TMEM135: variants seen among roughly 807,000 people sequenced by gnomAD.
The protein encoded by TMEM135 is peroxisomal membrane protein 52.
Under a neutral mutation model 60.3 loss-of-function variants are expected in TMEM135, and 30 were observed. The ratio of observed to expected loss-of-function variants is 0.50; its 90% CI spans 0.37 to 0.68. The LOEUF (loss-of-function observed/expected upper bound fraction) is 0.68, where lower values mean the gene tolerates loss of function less well. Among genes scored for constraint, TMEM135 ranks in the 30% least tolerant of loss-of-function variants. The pLI is 0.00. For missense variants in TMEM135, 468 were observed against 548.8 expected, an observed-to-expected ratio of 0.85 and a Z score of 1.47; for synonymous variants, 190 against 186.7, an observed-to-expected ratio of 1.02 and a Z score of -0.14.
intron 5 of TMEM135, among the ~76,000 whole-genome samples, chr11:87,175,414 C>G (rs1939342736): frequency 6.6e-6 from 1 of 152,104 alleles, no homozygotes. Context: ...AAAGGTCAAA[C>G]CAAGATTTTA....
At chr11:87,119,715 A>G (rs892839868) in intron 4 of TMEM135, among the ~76,000 whole-genome samples, 6 of 152,268 alleles carry the variant, frequency 3.9e-5, no homozygotes, top group African/African-American at 1.4e-4. Flanking sequence ...AGAACAAAAC[A>G]AAAACATTAA....
intron 1 of TMEM135, among the ~76,000 whole-genome samples, chr11:87,058,654 C>G (rs1949916633): frequency 6.6e-6 from 1 of 152,076 alleles, no homozygotes; most frequent in African/African-American, 2.4e-5. Context: ...GAGTCTTGCT[C>G]TCTTGCCGAG....
Position 87,326,356 on chromosome 11 carries a change from T to C in TMEM135, c.*5023T>C, listed in dbSNP as rs892970840. On this transcript the variant is annotated 3_prime_UTR_variant, in exon 15 of 15. Transcript: ENST00000305494. Reference sequence around the variant, plus strand: ...CACCCTGCATTACTACTTTCCTCCATCCCTGAACTAGGACCAGTTAATTTT... The same window carrying C: ...CACCCTGCATTACTACTTTCCTCCACCCCTGAACTAGGACCAGTTAATTTT... 2.2e-6 allele frequency: 1 copy of C among 454,098 alleles called. No individual in the cohort carries two copies. The highest frequency in any genetic ancestry group is 4.4e-6 in the Non-Finnish European group (1 of 226,778). The allele number at this position is 454,098 out of a possible 1,614,324, so 28.1% of individuals were successfully genotyped here.
chr11:87,247,478 C>T (rs2135386628), intron 6 of TMEM135, among the ~76,000 whole-genome samples: 1 of 152,222 alleles, frequency 6.6e-6, no homozygotes, highest in South Asian at 2.1e-4. Context: ...CAGAGGCAGG[C>T]AGGCCTCCTT....
intron 5 of TMEM135, among the ~76,000 whole-genome samples, chr11:87,223,176 T>C (rs1384453037): frequency 6.6e-6 from 1 of 151,354 alleles, no homozygotes; most frequent in African/African-American, 2.4e-5. Context: ...TTTTTTTTTT[T>C]TTTTCTGAGA....
At chr11:87,201,788 CAT>C (rs1940098441) in intron 5 of TMEM135, among the ~76,000 whole-genome samples, 1 of 152,084 alleles carries the variant, frequency 6.6e-6, no homozygotes, top group South Asian at 2.1e-4. Context: ...AGTTTGCTAA[CAT>C]ATATTAATAC....
At chr11:87,297,482 G>A (rs559595048) in intron 7 of TMEM135, among the ~76,000 whole-genome samples, 1 of 152,292 alleles carries the variant, frequency 6.6e-6, no homozygotes, top group Non-Finnish European at 1.5e-5. Context: ...TATTGTTGTT[G>A]CATTGGCTAG....
rs537881527 is a variant in TMEM135, at chr11:87,257,431, G to A, written c.509+20747G>A. Among the ~76,000 whole-genome samples the A allele has an allele frequency of 2.7e-5, 4 of 148,770 alleles. No individual in the cohort carries two copies. In the South Asian group the frequency reaches 8.5e-4, roughly 32 times the overall value. On this transcript the variant is annotated intron_variant, in intron 6 of 14. Transcript: ENST00000305494. ...TGAGAGGGAACTCTGGGGTTCAGCT[G>A]TGTTGGTTCAAATCCTTCTCCATCT...
chr11:87,306,156 T>A, intron 9 of TMEM135, 151 bp downstream of exon 9: 1 of 426,628 alleles, frequency 2.3e-6, no homozygotes, highest in Non-Finnish European at 4.0e-6. Context: ...GAGAAATTTA[T>A]GACAATAGGT....
intron 1 of TMEM135, among the ~76,000 whole-genome samples, chr11:87,046,696 C>A (rs1363560419): frequency 1.3e-5 from 2 of 152,080 alleles, no homozygotes; most frequent in Non-Finnish European, 2.9e-5. Context: ...AAGTTGAGCC[C>A]ATGATTATGG....
intron 4 of TMEM135, among the ~76,000 whole-genome samples, chr11:87,093,715 G>A (rs1246756452): frequency 1.3e-5 from 2 of 151,520 alleles, no homozygotes; most frequent in African/African-American, 4.9e-5. Context: ...TGTATTTTTA[G>A]TAGAGACGGG....
chr11:87,103,474 T>A (rs947977598), intron 4 of TMEM135, among the ~76,000 whole-genome samples: 2 of 84,462 alleles, frequency 2.4e-5, no homozygotes, highest in East Asian at 4.2e-4. Flanking sequence ...TTAGCCATGT[T>A]TTTTTTGTTT....
chr11:87,232,879 A>G (rs1940918330), intron 5 of TMEM135, among the ~76,000 whole-genome samples: 1 of 152,062 alleles, frequency 6.6e-6, no homozygotes, highest in African/African-American at 2.4e-5. Flanking sequence ...TACTGGGGGC[A>G]GTAGCTTATA....
chr11:87,254,149 A>AT (rs1185274241), intron 6 of TMEM135, among the ~76,000 whole-genome samples: 1 of 152,042 alleles, frequency 6.6e-6, no homozygotes, highest in Non-Finnish European at 1.5e-5. Flanking sequence ...TAATTTGAGT[A>AT]TTTTTTTCAT....
chr11:87,269,307 CTT>C (rs34439506), intron 6 of TMEM135, among the ~76,000 whole-genome samples: 1 of 121,078 alleles, frequency 8.3e-6, no homozygotes. Context: ...TATGAGGAAG[CTT>C]TTTTTTTTGT....
At chr11:87,289,992 T>C (rs777265230) in intron 6 of TMEM135, among the ~76,000 whole-genome samples, 4 of 139,530 alleles carry the variant, frequency 2.9e-5, no homozygotes, top group Admixed American at 7.3e-5. Context: ...TAGTATTCCA[T>C]GGATATATTC....
intron 5 of TMEM135, among the ~76,000 whole-genome samples, chr11:87,205,778 TTCTTGA>T (rs1170772876): frequency 1.3e-5 from 2 of 152,192 alleles, no homozygotes; most frequent in Non-Finnish European, 2.9e-5. Flanking sequence ...TTAAGTTTCG[TTCTTGA>T]TCTGTATCCT....
chr11:87,144,795 G>A (rs769538651), intron 4 of TMEM135, among the ~76,000 whole-genome samples: 6 of 150,874 alleles, frequency 4.0e-5, no homozygotes, highest in African/African-American at 9.8e-5. Flanking sequence ...TGTTAGTGAT[G>A]TATCTGGGTA....
At chr11:87,313,539 G>A (rs1346661499) in intron 11 of TMEM135, 51 bp downstream of exon 11, 1 of 1,423,048 alleles carries the variant, frequency 7.0e-7, no homozygotes, top group Admixed American at 1.7e-5. Context: ...TCAGTGGTAG[G>A]AATGAATTGG....
Sources: gnomAD v4.1 joint callset for allele counts (sites outside exome capture counted in the v4.1 genomes callset) on GRCh38, gnomAD v4.1.1 for gene constraint, MANE v1.5 for transcripts, NCBI Gene and HGNC (gene_info 2026-07-23, HGNC 2026-07-21) for gene names.